The following USP3 variants were observed in gnomAD, a reference collection of about 807,000 sequenced individuals.
USP3 encodes the protein ubiquitin specific peptidase 3.
USP3 carries 20 observed loss-of-function variants against 72.3 expected under a neutral mutation model. The observed-to-expected ratio is 0.28, with a 90% CI of 0.19 to 0.40. The LOEUF (loss-of-function observed/expected upper bound fraction) is 0.40. USP3 is among the 10% of genes least tolerant of loss of function. USP3 has a pLI of 1.00. For synonymous variants in USP3, 222 were observed against 225.3 expected (o/e 0.99, Z 0.13); for missense variants, 479 against 633.9 (o/e 0.76, Z 2.62).
intron 1 of USP3, among the ~76,000 whole-genome samples, chr15:63,513,473 G>A (rs571851412): frequency 9.9e-5 from 15 of 152,144 alleles, no homozygotes; most frequent in African/African-American, 3.1e-4. Flanking sequence ...TGGAACTCGC[G>A]GGCTTAAGTG....
At chr15:63,507,473 G>A (rs1453603695) in intron 1 of USP3, among the ~76,000 whole-genome samples, 1 of 152,134 alleles carries the variant, frequency 6.6e-6, no homozygotes, top group Admixed American at 6.5e-5. Context: ...AAAACTTTGA[G>A]AAACTTGTAT....
chr15:63,555,884 T>C (rs548165109), intron 4 of USP3, among the ~76,000 whole-genome samples: 6 of 152,356 alleles, frequency 3.9e-5, no homozygotes, highest in Non-Finnish European at 1.5e-5. Context: ...AATTATTTAC[T>C]TTGGATGAAC....
intron 1 of USP3, among the ~76,000 whole-genome samples, chr15:63,521,626 G>A (rs976297254): frequency 4.6e-5 from 7 of 152,122 alleles, no homozygotes; most frequent in African/African-American, 1.4e-4. Context: ...CCTGGGTCAG[G>A]GTTCATTTTA....
chr15:63,566,739 G>A (rs1202760949), intron 8 of USP3, among the ~76,000 whole-genome samples: 1 of 152,168 alleles, frequency 6.6e-6, no homozygotes, highest in Non-Finnish European at 1.5e-5. Flanking sequence ...CAAGAATTTT[G>A]CTATTGTATT....
intron 3 of USP3, among the ~76,000 whole-genome samples, chr15:63,550,715 T>C (rs1702802871): frequency 6.6e-6 from 1 of 152,244 alleles, no homozygotes; most frequent in Non-Finnish European, 1.5e-5. Context: ...TTTTATTCAC[T>C]GACAGTTGCT....
At chr15:63,512,695 G>A (rs565145701) in intron 1 of USP3, among the ~76,000 whole-genome samples, 78 of 152,100 alleles carry the variant, frequency 5.1e-4, no homozygotes, top group African/African-American at 1.7e-3. Flanking sequence ...CACCTGCCTC[G>A]GCCTCCCAAA....
At chr15:63,517,639 C>G (rs17184592) in intron 1 of USP3, among the ~76,000 whole-genome samples, 18,848 of 152,056 alleles carry the variant, frequency 0.12, 1,583 homozygotes, top group South Asian at 0.19. Flanking sequence ...TTTCTGGTAC[C>G]ATTGAGTTTT....
At chr15:63,549,770 T>G (rs1595738431) in intron 3 of USP3, among the ~76,000 whole-genome samples, 1 of 152,360 alleles carries the variant, frequency 6.6e-6, no homozygotes, top group African/African-American at 2.4e-5. Flanking sequence ...TAAATCACAC[T>G]GAGATTTCTA....
At chr15:63,556,574 T>TA in intron 4 of USP3, 93 bp from the exon 5 acceptor site, 1 of 951,588 alleles carries the variant, frequency 1.1e-6, no homozygotes, top group South Asian at 1.9e-5. Context: ...CTCCATGCCC[T>TA]AGGTGTTGAG....
intron 1 of USP3, among the ~76,000 whole-genome samples, chr15:63,525,752 G>A (rs2065973108): frequency 6.6e-6 from 1 of 152,158 alleles, no homozygotes; most frequent in African/African-American, 2.4e-5. Flanking sequence ...GTTTCATTTG[G>A]AAGGTAAGTT....
chr15:63,561,062 C>T (rs775558323), intron 7 of USP3, among the ~76,000 whole-genome samples: 1 of 151,340 alleles, frequency 6.6e-6, no homozygotes, highest in Non-Finnish European at 1.5e-5. Flanking sequence ...GCTGGAATGA[C>T]GTCACTACAA....
At chr15:63,542,310 A>G in intron 3 of USP3, 1 of 532,376 alleles carries the variant, frequency 1.9e-6, no homozygotes, top group Non-Finnish European at 2.4e-6. Context: ...TTAATATTTA[A>G]ATAGCACCAT....
At chr15:63,520,336 A>G (rs188240870) in intron 1 of USP3, among the ~76,000 whole-genome samples, 1 of 152,146 alleles carries the variant, frequency 6.6e-6, no homozygotes, top group Admixed American at 6.5e-5. Flanking sequence ...GCACAATTCT[A>G]TAATCAGAGA....
chr15:63,586,257 T>G (rs1358689746), intron 11 of USP3, among the ~76,000 whole-genome samples: 1 of 152,234 alleles, frequency 6.6e-6, no homozygotes, highest in African/African-American at 2.4e-5. Flanking sequence ...CTTCCTGATC[T>G]TGGAGGCAAA....
intron 11 of USP3, among the ~76,000 whole-genome samples, chr15:63,585,149 A>C (rs1316508418): frequency 2.6e-5 from 4 of 152,186 alleles, no homozygotes; most frequent in African/African-American, 9.7e-5. Flanking sequence ...TAAGTTTTAA[A>C]ATTGAAAGTA....
chr15:63,547,230 C>CTTTAA (rs2066342693), intron 3 of USP3, among the ~76,000 whole-genome samples: 1 of 151,942 alleles, frequency 6.6e-6, no homozygotes, highest in Non-Finnish European at 1.5e-5. Context: ...TAAAGAATAG[C>CTTTAA]GGTAACAACA....
rs748133915 is a variant in USP3, at chr15:63,588,446, T to C, written c.1215+23T>C. The C allele has an allele frequency of 2.0e-5, 31 of 1,533,672 alleles. No individual in the cohort carries two copies. Among genetic ancestry groups the C allele is most frequent in the Non-Finnish European group, 2.7e-5 (30 of 1,121,324 alleles). On this transcript the variant is annotated intron_variant, in intron 12 of 14. Coordinates refer to ENST00000380324, the MANE Select transcript of USP3 (RefSeq NM_006537.4). This position sits in a 1 kb window ranked among gnomAD's most constrained non-coding sequence, Gnocchi z 4.6. The stretch of plus-strand genomic sequence containing the variant: ...AAGGTGAGTGTTGAATTTTGAGTTA[T>C]GAAGCAATTTCAATGGGAAAGTGCT...
Position 63,528,310 on chromosome 15 carries a change from C to A in USP3, c.92-4337C>A, listed in dbSNP as rs1329657937. On this transcript the variant is annotated intron_variant, in intron 1 of 14. Transcript: ENST00000380324. This position sits in a 1 kb window ranked among gnomAD's most constrained non-coding sequence, Gnocchi z 4.3. Reference sequence around the variant, plus strand: ...GAGACTCCCAGTCACACCGCTATGGCCAAGTGTGAGAAATAAATTGCATGG... The same window carrying A: ...GAGACTCCCAGTCACACCGCTATGGACAAGTGTGAGAAATAAATTGCATGG... 6.6e-6 allele frequency among the ~76,000 whole-genome samples: 1 copy of A among 152,098 alleles called. No individual in the cohort carries two copies. Among genetic ancestry groups the A allele is most frequent in the African/African-American group, 2.4e-5 (1 of 41,394 alleles).
intron 3 of USP3, among the ~76,000 whole-genome samples, chr15:63,542,483 AAC>A (rs2066258877): frequency 1.3e-5 from 2 of 152,054 alleles, no homozygotes; most frequent in Non-Finnish European, 2.9e-5. Context: ...AGTTGGAAAT[AAC>A]TATAACTTAA....
Sources: gnomAD v4.1 joint callset for allele counts (sites outside exome capture counted in the v4.1 genomes callset) on GRCh38, gnomAD v4.1.1 for gene constraint, Gnocchi (gnomAD v3.1) non-coding constraint, MANE v1.5 for transcripts, NCBI Gene and HGNC (gene_info 2026-07-23, HGNC 2026-07-21) for gene names.